Variants in HR observed in about 807,000 individuals in gnomAD.
HR encodes lysine-specific demethylase hairless.
HR carries 83 observed loss-of-function variants against 128.6 expected under a neutral mutation model. The observed-to-expected ratio is 0.65, with a 90% CI of 0.54 to 0.77. HR has a LOEUF of 0.77. HR is among the 30% of genes least tolerant of loss of function. The probability of loss-of-function intolerance (pLI) is 0.00; values close to 1 mark genes in which losing one functional copy is unlikely to be tolerated. For missense variants in HR, 1,490 were observed against 1,574.6 expected, an observed-to-expected ratio of 0.95 and a Z score of 0.91; for synonymous variants, 681 against 658.2, an observed-to-expected ratio of 1.03 and a Z score of -0.53.
rs1312052097 is a variant in HR at position 22,116,890 on chromosome 8, T to C, written c.3363A>G (p.Ala1121=). ...QAPGEAVLVP[A]GAPHQVQGLV... is the part of the protein sequence containing the mutation. ...TGGGAAGCACCTGGTGGGGAGCCCC[T>C]GCAGGCACCAGCACGGCCTCTCCGG... The change falls in exon 17 of 19, where the codon GCA becomes GCG. Residue 1121 remains alanine (A), a synonymous_variant. Coordinates refer to ENST00000381418, the MANE Select transcript of HR (RefSeq NM_005144.5). This position sits in a 1 kb window ranked among gnomAD's most constrained non-coding sequence, Gnocchi z 4.2. 24 of 1,571,478 alleles carry C rather than the reference T, an allele frequency of 1.5e-5. No individual in the cohort carries two copies. The highest frequency in any genetic ancestry group is 2.0e-5 in the Non-Finnish European group (23 of 1,163,256).
In HR at chr8:22,128,551, G is replaced by C. The variant is rs557110435; in HGVS notation, c.612+8C>G. ...AGCCACAGGTACCCTCTCTGCCCCT[G>C]CACTCACCTTGCTGCCTAAGCTGAA... On this transcript the variant is annotated splice_region_variant and intron_variant, in intron 2 of 18. Transcript: ENST00000381418. The C allele has an allele frequency of 1.2e-6, 2 of 1,611,666 alleles. No homozygotes were observed. The highest frequency in any genetic ancestry group is 1.7e-6 in the Non-Finnish European group (2 of 1,179,546).
chr8:22,125,872 C>G (rs1177308246), intron 3 of HR, 140 bp from the exon 4 acceptor site: 8 of 979,782 alleles, frequency 8.2e-6, no homozygotes, highest in African/African-American at 4.9e-5. Context: ...AATTCAGAAC[C>G]AGCAAGAGTG....
At chr8:22,128,443 A>T in intron 2 of HR, 116 bp downstream of exon 2, 1 of 1,409,082 alleles carries the variant, frequency 7.1e-7, no homozygotes, top group African/African-American at 1.4e-5. Context: ...AAGCTGATAG[A>T]CCCCTCTACC....
At chr8:22,120,568 CA>C (rs1415921851) in intron 11 of HR, 61 bp from the exon 12 acceptor site, 7 of 1,606,484 alleles carry the variant, frequency 4.4e-6, no homozygotes, top group Non-Finnish European at 5.9e-6. Flanking sequence ...CATGGCCAGG[CA>C]AGGGCGTGTT....
In HR at chr8:22,122,863, G is replaced by A. The variant is rs777201388; in HGVS notation, c.1932C>T (p.Ser644=). The A allele has an allele frequency of 6.7e-5, 104 of 1,553,558 alleles. No homozygotes were observed. The highest frequency in any genetic ancestry group is 5.0e-4 in the Middle Eastern group (3 of 5,954). The change falls in exon 7 of 19, where the codon TCC becomes TCT. Residue 644 remains serine, a synonymous_variant. Coordinates refer to ENST00000381418, the MANE Select transcript of HR (RefSeq NM_005144.5). ...AREKAGFQEQ[S]AEECTQEAGH... is the part of the protein sequence containing the mutation. ...CGGCCTCCTGCGTGCACTCCTCCGCGGACTGCTCCTGAAAGCCTGTGGGGC... is the reference window on the plus strand; with the variant it reads ...CGGCCTCCTGCGTGCACTCCTCCGCAGACTGCTCCTGAAAGCCTGTGGGGC...
chr8:22,123,617 T>TAA, intron 6 of HR, 32 bp downstream of exon 6: 2 of 292,090 alleles, frequency 6.8e-6, no homozygotes, highest in South Asian at 3.0e-5. Context: ...GAGGGCTCCA[T>TAA]CCCGCCCTCC....
rs201788085 is a variant in HR at position 22,119,082 on chromosome 8, G to C, written c.3098-17C>G. The C allele has an allele frequency of 2.2e-5, 35 of 1,613,462 alleles. 1 individual carries two copies. The African/African-American group carries it at 4.1e-4, about 19-fold the overall frequency. ...AAAGGAAGTCTGAGGAGGAAAGAGC[G>C]CTCAGGCAGGCCCAGGGCTGGTGGC... On this transcript the variant is annotated splice_polypyrimidine_tract_variant and intron_variant, in intron 15 of 18. Coordinates refer to ENST00000381418, the MANE Select transcript of HR (RefSeq NM_005144.5).
rs1826548875 is a variant in HR at position 22,114,941 on chromosome 8, T to C, written c.*759A>G. 6.6e-6 allele frequency: 1 copy of C among 152,546 alleles called. No homozygotes were observed. Among genetic ancestry groups the C allele is most frequent in the African/African-American group, 2.4e-5 (1 of 41,462 alleles). The allele number at this position is 152,546 out of a possible 1,614,324, so 9.4% of individuals were successfully genotyped here. On this transcript the variant is annotated 3_prime_UTR_variant, in exon 19 of 19. Coordinates refer to ENST00000381418, the MANE Select transcript of HR (RefSeq NM_005144.5). ...GCCCCAGACGAAGAGCAGGCAGTGG[T>C]GTCCTGTCCCTTGGGCCCCAGCTCC... is the stretch of plus-strand genomic sequence containing the variant.
rs1396444471 is a variant in HR, at chr8:22,116,435, C to CG, written c.3379-8dup. The CG allele has an allele frequency of 1.2e-6, 2 of 1,613,080 alleles. No individual in the cohort carries two copies. Among genetic ancestry groups the CG allele is most frequent in the Admixed American group, 3.3e-5 (2 of 59,962 alleles). On this transcript the variant is annotated splice_region_variant and splice_polypyrimidine_tract_variant and intron_variant, in intron 17 of 18. Transcript: ENST00000381418. This position sits in a 1 kb window ranked among gnomAD's most constrained non-coding sequence, Gnocchi z 4.2. ...TGCTCACCAGGCCCTGCACCTGTGT[C>CG]GGGGGGACATGGACAGTGAGGCTCA...
At chr8:22,120,592 G>GT (rs1237622495) in intron 11 of HR, 85 bp from the exon 12 acceptor site, 14 of 1,594,292 alleles carry the variant, frequency 8.8e-6, no homozygotes, top group Non-Finnish European at 1.1e-5. Flanking sequence ...AAGGGCAGTA[G>GT]AACAGCTCGG....
chr8:22,116,779 C>T lies in HR; in HGVS notation c.3378+96G>A, dbSNP rs946581469. ...GTGCGGCTCCCTGCCCTGCCCGGCTCTTGGGTATTGAGGGGATGTTGGATG... is the reference window on the plus strand; with the variant it reads ...GTGCGGCTCCCTGCCCTGCCCGGCTTTTGGGTATTGAGGGGATGTTGGATG... On this transcript the variant is annotated intron_variant, in intron 17 of 18. Coordinates refer to ENST00000381418, the MANE Select transcript of HR (RefSeq NM_005144.5). This position sits in a 1 kb window ranked among gnomAD's most constrained non-coding sequence, Gnocchi z 4.2. 109 of 1,475,832 alleles carry T rather than the reference C, an allele frequency of 7.4e-5. No homozygotes were observed. The highest frequency in any genetic ancestry group is 9.8e-5 in the Non-Finnish European group (107 of 1,092,322). 91.4% of individuals were successfully genotyped at this position (1,475,832 alleles called of 1,614,324 possible).
At chr8:22,124,969 G>T (rs762277684) in intron 5 of HR, among the ~76,000 whole-genome samples, 19 of 152,152 alleles carry the variant, frequency 1.2e-4, no homozygotes, top group Non-Finnish European at 2.6e-4. Flanking sequence ...CTGCGGAAGG[G>T]CGACCGAAGG....
Position 22,120,429 on chromosome 8 carries a change from G to C in HR, c.2689C>G (p.Gln897Glu). 6.2e-7 allele frequency: 1 copy of C among 1,614,016 alleles called. No individual in the cohort carries two copies. The highest frequency in any genetic ancestry group is 1.1e-5 in the South Asian group (1 of 91,090). Residue 897 changes from glutamine to glutamate, a missense_variant, in exon 12 of 19, where the codon CAG becomes GAG. Coordinates refer to ENST00000381418, the MANE Select transcript of HR (RefSeq NM_005144.5). ...CCGAGGGGGCTCAGCGCCTGCACCT[G>C]GCCTCCAAGTGCCCCAAGAGCTTCT... ...GTEALGALGGQVQALSPLGPP... is the reference protein window; with the variant it reads ...GTEALGALGGEVQALSPLGPP...
chr8:22,123,918 G>C (rs907301478), intron 5 of HR, 105 bp from the exon 6 acceptor site: 1 of 1,350,396 alleles, frequency 7.4e-7, no homozygotes, highest in Admixed American at 2.0e-5. Context: ...GCAAGGAGCA[G>C]CTTCCATGGA....
rs746320803 is a variant in HR at position 22,127,591 on chromosome 8, G to A, written c.851C>T (p.Pro284Leu). The change falls in exon 3 of 19, where the codon CCA becomes CTA. Residue 284 changes from proline to leucine, a missense_variant. By Grantham distance (98) the Pro-to-Leu change is moderately conservative (BLOSUM62 -3). This residue lies in a region of HR where 1,060 missense variants were observed against 1,060.9 expected (regional missense o/e 1.00). Coordinates refer to ENST00000381418, the MANE Select transcript of HR (RefSeq NM_005144.5). ...GTTGCCAAGAGTATGAACAAGGCCT[G>A]GGGGACAAGCGGGCCAGGAGGTCCA... The part of the protein sequence containing the change: ...VPWTSWPACP[P>L]GLVHTLGNVW... The A allele has an allele frequency of 6.2e-7, 1 of 1,612,090 alleles. No homozygotes were observed. The highest frequency in any genetic ancestry group is 1.3e-5 in the African/African-American group (1 of 74,932).
chr8:22,128,372 G>A, intron 2 of HR, 187 bp downstream of exon 2: 1 of 757,334 alleles, frequency 1.3e-6, no homozygotes, highest in Non-Finnish European at 2.2e-6. Context: ...GAGGCCTAGA[G>A]AGATGGAGCT....
chr8:22,125,841 C>T lies in HR; in HGVS notation c.1406-109G>A, dbSNP rs796339760. On this transcript the variant is annotated intron_variant, in intron 3 of 18. Coordinates refer to ENST00000381418, the MANE Select transcript of HR (RefSeq NM_005144.5). ...CACACTCAGAGCCAGCCCAGTTCCT[C>T]GCCCCAGGTCTCTGAAGCCTAATTC... 36 of 1,279,190 alleles carry T rather than the reference C, an allele frequency of 2.8e-5. No homozygotes were observed. The African/African-American group carries it at 3.1e-4, about 11-fold the overall frequency. The allele number at this position is 1,279,190 out of a possible 1,614,324, so 79.2% of individuals were successfully genotyped here. A position where few individuals can be genotyped will look rare whatever the true frequency, so the allele number is the denominator to read the frequency against.
chr8:22,127,876 A>G (rs749472620), intron 2 of HR, 47 bp from the exon 3 acceptor site: 12 of 1,551,180 alleles, frequency 7.7e-6, no homozygotes, highest in Middle Eastern at 3.3e-4. Context: ...TGGGCTCCCC[A>G]TGCCTAAATG....
Position 22,116,926 on chromosome 8 carries a change from C to A in HR, c.3327G>T (p.Leu1109=). ...GCACGGCCTCTCCGGGGGCCTGGAG[C>A]AGGGTCCAGCAGCTCACGCCCCACT... is the stretch of plus-strand genomic sequence containing the variant. ...REEWGVSCWT[L]LQAPGEAVLV... Residue 1109 remains leucine (L), a synonymous_variant, in exon 17 of 19, where the codon CTG becomes CTT. Transcript: ENST00000381418. The surrounding 1 kb of genome is among the most constrained non-coding windows in gnomAD (Gnocchi z 4.2). The A allele has an allele frequency of 6.4e-7, 1 of 1,552,478 alleles. No individual in the cohort carries two copies. The highest frequency in any genetic ancestry group is 8.7e-7 in the Non-Finnish European group (1 of 1,154,460).
Sources: allele counts gnomAD v4.1 joint callset (sites outside exome capture counted in the v4.1 genomes callset), GRCh38; gene constraint gnomAD v4.1.1; regional missense constraint gnomAD v4.1.1; non-coding constraint Gnocchi (gnomAD v3.1); transcripts MANE v1.5; gene names NCBI Gene and HGNC (gene_info 2026-07-23, HGNC 2026-07-21).